The following ATL2 variants were observed in gnomAD, a reference collection of about 807,000 sequenced individuals.
The protein encoded by ATL2 is atlastin-2.
ATL2 carries 31 observed loss-of-function variants against 73.9 expected under a neutral mutation model. The ratio of observed to expected loss-of-function variants is 0.42; its 90% confidence interval spans 0.32 to 0.57. The LOEUF (loss-of-function observed/expected upper bound fraction) is 0.57, where lower values mean the gene tolerates loss of function less well. Ranked by LOEUF, ATL2 falls within the 20% of genes least tolerant of loss-of-function variation. ATL2 has a pLI of 0.14. For synonymous variants in ATL2, 291 were observed against 237.5 expected, an observed-to-expected ratio of 1.23 and a Z score of -2.07; for missense variants, 738 against 702.6, an observed-to-expected ratio of 1.05 and a Z score of -0.57.
chr2:38,377,979 A>T (rs1288780773), upstream of ATL2, among the ~76,000 whole-genome samples: 1 of 152,182 alleles, frequency 6.6e-6, no homozygotes, highest in Non-Finnish European at 1.5e-5. Flanking sequence ...GAGGCATGCC[A>T]GAAAGCACTC....
chr2:38,334,910 A>ATT (rs1172916271), intron 2 of ATL2, among the ~76,000 whole-genome samples: 1 of 137,634 alleles, frequency 7.3e-6, no homozygotes, highest in East Asian at 2.0e-4. Flanking sequence ...TATTTATAAT[A>ATT]TATAAATATA....
At chr2:38,305,375 C>T (rs1336942178) in intron 9 of ATL2, among the ~76,000 whole-genome samples, 1 of 152,042 alleles carries the variant, frequency 6.6e-6, no homozygotes, top group Non-Finnish European at 1.5e-5. Flanking sequence ...TGGTGAAACC[C>T]CATCTCTACT....
chr2:38,299,154 T>C, intron 11 of ATL2, 102 bp downstream of exon 11: 1 of 1,098,244 alleles, frequency 9.1e-7, no homozygotes, highest in Middle Eastern at 3.3e-4. Context: ...TACCATAAGC[T>C]GCACAAATTC....
At chr2:38,312,355 T>G (rs778370193) in intron 7 of ATL2, among the ~76,000 whole-genome samples, 3 of 152,072 alleles carry the variant, frequency 2.0e-5, no homozygotes, top group Non-Finnish European at 2.9e-5. Context: ...TCACGAGATC[T>G]GGTTGTTAAA....
intron 1 of ATL2, among the ~76,000 whole-genome samples, chr2:38,344,875 C>T (rs1195987065): frequency 6.6e-6 from 1 of 152,168 alleles, no homozygotes; most frequent in Non-Finnish European, 1.5e-5. Context: ...GCTGTTATAG[C>T]TCCCGAAAAC....
intron 2 of ATL2, among the ~76,000 whole-genome samples, chr2:38,336,709 CTTACT>C (rs1322277863): frequency 2.0e-5 from 3 of 152,200 alleles, no homozygotes; most frequent in African/African-American, 7.2e-5. Flanking sequence ...AGTCTTGCCA[CTTACT>C]TTGAGTCTCG....
intron 12 of ATL2, among the ~76,000 whole-genome samples, chr2:38,297,391 T>G (rs572036512): frequency 2.0e-5 from 3 of 152,318 alleles, no homozygotes; most frequent in East Asian, 3.9e-4. Flanking sequence ...GTCCTTGACA[T>G]GATGTTCAAG....
At chr2:38,325,431 G>C (rs1668542639) in intron 2 of ATL2, among the ~76,000 whole-genome samples, 1 of 151,908 alleles carries the variant, frequency 6.6e-6, no homozygotes, top group Non-Finnish European at 1.5e-5. Flanking sequence ...GAGTGAACTA[G>C]TTTAAGCACT....
chr2:38,305,498 G>C (rs150004901), intron 9 of ATL2, among the ~76,000 whole-genome samples: 1 of 152,050 alleles, frequency 6.6e-6, no homozygotes, highest in Non-Finnish European at 1.5e-5. Context: ...GCAGTGAGCC[G>C]AGACTGCTCC....
chr2:38,377,300 C>T, upstream of ATL2: 1 of 1,477,592 alleles, frequency 6.8e-7, no homozygotes, highest in Non-Finnish European at 9.1e-7. Flanking sequence ...TGACGTCAAA[C>T]GCCGCCGCCG....
chr2:38,348,636 GA>G (rs796554102), intron 1 of ATL2, among the ~76,000 whole-genome samples: 80 of 131,774 alleles, frequency 6.1e-4, no homozygotes, highest in African/African-American at 9.5e-4. Flanking sequence ...AGAAGTTTAA[GA>G]AAAAAAAAAA....
intron 2 of ATL2, among the ~76,000 whole-genome samples, chr2:38,329,423 CAAA>C (rs70954711): frequency 0.011 from 145 of 13,642 alleles, no homozygotes; most frequent in African/African-American, 0.024. Context: ...ACTCCATCTC[CAAA>C]AAAAAAAAAA....
At chr2:38,371,981 T>C (rs928004311) in intron 1 of ATL2, among the ~76,000 whole-genome samples, 15 of 152,258 alleles carry the variant, frequency 9.9e-5, no homozygotes, top group East Asian at 3.9e-4. Flanking sequence ...TCAAAAATCA[T>C]AGGAAGTTTG....
chr2:38,361,615 A>G (rs1305813965), intron 1 of ATL2, among the ~76,000 whole-genome samples: 1 of 152,206 alleles, frequency 6.6e-6, no homozygotes, highest in African/African-American at 2.4e-5. Context: ...TTCAAAATCA[A>G]TATGGCAAAT....
At chr2:38,376,783 C>T (rs1203904456) in intron 1 of ATL2, among the ~76,000 whole-genome samples, 1 of 151,730 alleles carries the variant, frequency 6.6e-6, no homozygotes, top group African/African-American at 2.4e-5. Context: ...CCGCAGCCGA[C>T]CTCCCCGCGC....
intron 2 of ATL2, among the ~76,000 whole-genome samples, chr2:38,327,374 A>C (rs1318472315): frequency 6.6e-6 from 1 of 152,178 alleles, no homozygotes; most frequent in African/African-American, 2.4e-5. Flanking sequence ...ATAATATCTG[A>C]AAGTGGACTT....
rs566192942 is a variant in ATL2, at chr2:38,360,259, C to CTTTTTTTTTTTTT, written c.119-16760_119-16748dup. ...AGAATAAGCGATGGCTCAGGGGATT[C>CTTTTTTTTTTTTT]TTTTTTTTTTTTTTAAGATTTTGGG... On this transcript the variant is annotated intron_variant, in intron 1 of 12. Coordinates refer to ENST00000378954, the MANE Select transcript of ATL2 (RefSeq NM_001135673.4). Among the ~76,000 whole-genome samples, 59 of 135,386 alleles carry CTTTTTTTTTTTTT rather than the reference C, an allele frequency of 4.4e-4. No homozygotes were observed. In the East Asian group the frequency reaches 4.6e-3, roughly 11 times the overall value. The allele number at this position is 135,386 out of a possible 152,430, so 88.8% of individuals were successfully genotyped here.
At chr2:38,301,759 A>G (rs1249065146) in intron 9 of ATL2, among the ~76,000 whole-genome samples, 4 of 152,218 alleles carry the variant, frequency 2.6e-5, no homozygotes, top group Non-Finnish European at 5.9e-5. Flanking sequence ...CTAGGCCACA[A>G]GGACTGCAAT....
intron 1 of ATL2, among the ~76,000 whole-genome samples, chr2:38,373,244 T>C (rs1671783977): frequency 6.6e-6 from 1 of 152,162 alleles, no homozygotes; most frequent in Non-Finnish European, 1.5e-5. Flanking sequence ...CAGAGCATCT[T>C]TGCAATAAAA....
Sources: allele counts gnomAD v4.1 joint callset (sites outside exome capture counted in the v4.1 genomes callset), GRCh38; gene constraint gnomAD v4.1.1; transcripts MANE v1.5; gene names NCBI Gene and HGNC (gene_info 2026-07-23, HGNC 2026-07-21).